The following NKAIN2 variants were observed in gnomAD, a reference collection of about 807,000 sequenced individuals.
NKAIN2 encodes the protein sodium/potassium transporting ATPase interacting 2.
NKAIN2 carries 14 observed loss-of-function variants against 32.6 expected under a neutral mutation model. That is an observed-to-expected ratio of 0.43 (90% CI 0.28 to 0.67). The LOEUF (loss-of-function observed/expected upper bound fraction) is 0.67. NKAIN2 is among the 30% of genes least tolerant of loss of function. The pLI, the probability that NKAIN2 is intolerant of heterozygous loss-of-function variation, is 0.17. For synonymous variants in NKAIN2, 80 were observed against 87.2 expected, an observed-to-expected ratio of 0.92 and a Z score of 0.46; for missense variants, 198 against 258.3, an observed-to-expected ratio of 0.77 and a Z score of 1.60.
intron 1 of NKAIN2, among the ~76,000 whole-genome samples, chr6:123,985,126 C>T (rs190091340): frequency 1.3e-5 from 2 of 152,242 alleles, no homozygotes; most frequent in African/African-American, 2.4e-5. Flanking sequence ...AGGCCAAGAG[C>T]GGTGGCTCAC....
chr6:124,308,866 A>G (rs931993130), intron 2 of NKAIN2, among the ~76,000 whole-genome samples: 7 of 152,200 alleles, frequency 4.6e-5, no homozygotes, highest in Non-Finnish European at 7.3e-5. Flanking sequence ...AGGATCCACT[A>G]AAGTTTTCCT....
At chr6:124,091,287 A>G (rs1409590948) in intron 1 of NKAIN2, among the ~76,000 whole-genome samples, 1 of 152,014 alleles carries the variant, frequency 6.6e-6, no homozygotes, top group Non-Finnish European at 1.5e-5. Context: ...CAGCAGGCAC[A>G]TGAAAACACT....
chr6:123,809,212 AT>A (rs929442237), intron 1 of NKAIN2, among the ~76,000 whole-genome samples: 10 of 151,568 alleles, frequency 6.6e-5, no homozygotes, highest in East Asian at 1.9e-4. Context: ...TTTGTTTCCC[AT>A]TTTTTTTCTG....
At chr6:124,304,872 C>T (rs937365338) in intron 2 of NKAIN2, among the ~76,000 whole-genome samples, 5 of 152,064 alleles carry the variant, frequency 3.3e-5, no homozygotes, top group African/African-American at 1.2e-4. Flanking sequence ...CAAGATCATG[C>T]CACTGCACTC....
At chr6:124,373,662 G>A (rs543332892) in intron 3 of NKAIN2, among the ~76,000 whole-genome samples, 13 of 152,214 alleles carry the variant, frequency 8.5e-5, no homozygotes, top group South Asian at 2.1e-4. Context: ...GCCCAGTGAC[G>A]TAGGAAGGAA....
chr6:124,329,548 C>T (rs1797565922), intron 2 of NKAIN2, among the ~76,000 whole-genome samples: 2 of 152,176 alleles, frequency 1.3e-5, no homozygotes, highest in Non-Finnish European at 2.9e-5. Flanking sequence ...CCAAGATTGT[C>T]GCTGGGAGTG....
chr6:123,911,592 A>G (rs977362269), intron 1 of NKAIN2, among the ~76,000 whole-genome samples: 2 of 151,914 alleles, frequency 1.3e-5, no homozygotes, highest in Admixed American at 6.6e-5. Context: ...GAGACTTGGT[A>G]GGACCAAACA....
intron 1 of NKAIN2, among the ~76,000 whole-genome samples, chr6:124,082,337 A>G (rs1784012939): frequency 6.6e-6 from 1 of 152,122 alleles, no homozygotes. Context: ...ATGTAAGCTT[A>G]ATATTAATTA....
chr6:124,797,169 CAAAAAAA>C (rs563319426), intron 5 of NKAIN2, among the ~76,000 whole-genome samples: 50 of 87,130 alleles, frequency 5.7e-4, no homozygotes, highest in Admixed American at 1.6e-3. Context: ...TCCATGTTAG[CAAAAAAA>C]AAAAAAAAAA....
At chr6:124,269,318 A>G (rs1396938256) in intron 1 of NKAIN2, among the ~76,000 whole-genome samples, 1 of 152,206 alleles carries the variant, frequency 6.6e-6, no homozygotes, top group Non-Finnish European at 1.5e-5. Flanking sequence ...CAAAGGGCAC[A>G]GGAGACATGG....
chr6:124,484,862 C>A (rs1333166271), intron 3 of NKAIN2, among the ~76,000 whole-genome samples: 18 of 151,998 alleles, frequency 1.2e-4, no homozygotes, highest in Admixed American at 1.2e-3. Flanking sequence ...CAGGACTTAG[C>A]ATAAATGCCT....
chr6:124,399,989 C>G (rs553971921), intron 3 of NKAIN2, among the ~76,000 whole-genome samples: 2 of 152,200 alleles, frequency 1.3e-5, no homozygotes, highest in African/African-American at 2.4e-5. Flanking sequence ...ATGCTTCCTC[C>G]TATTTGATAA....
chr6:124,168,725 G>C (rs1446717800), intron 1 of NKAIN2, among the ~76,000 whole-genome samples: 1 of 152,060 alleles, frequency 6.6e-6, no homozygotes, highest in Non-Finnish European at 1.5e-5. Flanking sequence ...CTTGAAAGGA[G>C]AATCAGTCAT....
chr6:123,946,238 A>G (rs1355223530), intron 1 of NKAIN2, among the ~76,000 whole-genome samples: 1 of 152,174 alleles, frequency 6.6e-6, no homozygotes, highest in African/African-American at 2.4e-5. Flanking sequence ...GATTTTCAGA[A>G]TGAACGTCTT....
At chr6:124,479,353 T>C (rs1366236179) in intron 3 of NKAIN2, among the ~76,000 whole-genome samples, 3 of 152,186 alleles carry the variant, frequency 2.0e-5, no homozygotes, top group Non-Finnish European at 4.4e-5. Flanking sequence ...TGGTTGTGGG[T>C]ATATGGCAAC....
At chr6:124,191,896 T>G in intron 1 of NKAIN2, among the ~76,000 whole-genome samples, 1 of 149,934 alleles carries the variant, frequency 6.7e-6, no homozygotes, top group Admixed American at 6.6e-5. Flanking sequence ...TGTTCAAATT[T>G]ATTGGTCTAA....
chr6:124,028,399 G>T (rs1242956460), intron 1 of NKAIN2, among the ~76,000 whole-genome samples: 2 of 138,992 alleles, frequency 1.4e-5, no homozygotes, highest in Non-Finnish European at 3.1e-5. Flanking sequence ...CTTGAGGTGG[G>T]GGGAGGGGGG....
At chr6:124,422,702 A>T (rs1388621158) in intron 3 of NKAIN2, among the ~76,000 whole-genome samples, 2 of 152,260 alleles carry the variant, frequency 1.3e-5, no homozygotes, top group Non-Finnish European at 2.9e-5. Flanking sequence ...CTTACTTGCA[A>T]TCTGGATCAC....
chr6:124,112,994 T>C (rs780877432), intron 1 of NKAIN2, among the ~76,000 whole-genome samples: 1 of 152,138 alleles, frequency 6.6e-6, no homozygotes, highest in Non-Finnish European at 1.5e-5. Flanking sequence ...TTTAATTCAT[T>C]GTCAGGTTAA....
Sources: allele counts gnomAD v4.1 joint callset (sites outside exome capture counted in the v4.1 genomes callset), GRCh38; gene constraint gnomAD v4.1.1; transcripts MANE v1.5; gene names NCBI Gene and HGNC (gene_info 2026-07-23, HGNC 2026-07-21).